Variants in PRIMA1 observed in about 807,000 individuals in gnomAD.
The protein encoded by PRIMA1 is proline rich membrane anchor 1.
Under a neutral mutation model 17.5 loss-of-function variants are expected in PRIMA1, and 7 were observed. That is an observed-to-expected ratio of 0.40 (90% CI 0.23 to 0.75). The LOEUF is 0.75. PRIMA1 is among the 30% of genes least tolerant of loss of function. The pLI, the probability that PRIMA1 is intolerant of heterozygous loss-of-function variation, is 0.37. For synonymous variants in PRIMA1, 97 were observed against 77.9 expected (o/e 1.25, Z -1.29); for missense variants, 200 against 201.8 (o/e 0.99, Z 0.05).
intron 3 of PRIMA1, among the ~76,000 whole-genome samples, chr14:93,770,731 C>A (rs1950971): frequency 0.6 from 91,296 of 152,084 alleles, 29,748 homozygotes; most frequent in Middle Eastern, 0.76. Context: ...CTCCCGCGCA[C>A]ACACAGAGCA....
chr14:93,739,583 A>T (rs2076172099), intron 3 of PRIMA1, among the ~76,000 whole-genome samples: 2 of 152,202 alleles, frequency 1.3e-5, no homozygotes, highest in East Asian at 3.8e-4. Context: ...ACCTTTGTAC[A>T]TTCTGTGCAG....
chr14:93,725,296 G>GGCTCTCCT lies in PRIMA1; in HGVS notation c.360-3758_360-3751dup, dbSNP rs1161539137. Reference sequence around the variant, plus strand: ...GTGATGGGGGAGGGTGGCAGCCGAGGGCTCTCCTGAGAAATGGTCATGATC... The same window carrying GGCTCTCCT: ...GTGATGGGGGAGGGTGGCAGCCGAGGGCTCTCCTGCTCTCCTGAGAAATGGTCATGATC... On this transcript the variant is annotated intron_variant, in intron 4 of 4. Transcript: ENST00000393140. Among the ~76,000 whole-genome samples the GGCTCTCCT allele has an allele frequency of 6.0e-5, 9 of 150,858 alleles. No individual in the cohort carries two copies. The East Asian group carries it at 1.5e-3, about 26-fold the overall frequency.
At chr14:93,723,737 A>C (rs1009292066) in intron 4 of PRIMA1, among the ~76,000 whole-genome samples, 9 of 152,182 alleles carry the variant, frequency 5.9e-5, no homozygotes, top group Admixed American at 3.9e-4. Context: ...TCACCTTAAG[A>C]AGCTAGGCCT....
chr14:93,766,675 C>T (rs531173804), intron 3 of PRIMA1, among the ~76,000 whole-genome samples: 1 of 152,330 alleles, frequency 6.6e-6, no homozygotes, highest in East Asian at 1.9e-4. Flanking sequence ...AAACAAATTG[C>T]AGACGCTCCT....
intron 3 of PRIMA1, among the ~76,000 whole-genome samples, chr14:93,758,483 C>T (rs1457362400): frequency 6.6e-6 from 1 of 150,782 alleles, no homozygotes; most frequent in African/African-American, 2.4e-5. Flanking sequence ...CCTGTAATCC[C>T]AGCTACTTGG....
chr14:93,754,271 A>G (rs922595682), intron 3 of PRIMA1, among the ~76,000 whole-genome samples: 51 of 152,272 alleles, frequency 3.3e-4, no homozygotes, highest in African/African-American at 1.2e-3. Flanking sequence ...AGCTCTTCAC[A>G]ATCCCAATTG....
At chr14:93,729,427 G>T (rs1364149253) in intron 4 of PRIMA1, among the ~76,000 whole-genome samples, 6 of 152,152 alleles carry the variant, frequency 3.9e-5, no homozygotes, top group Admixed American at 1.3e-4. Context: ...ACCCTACCTG[G>T]CCAAGAGGCT....
At chr14:93,758,729 A>G (rs1039901902) in intron 3 of PRIMA1, among the ~76,000 whole-genome samples, 2 of 152,200 alleles carry the variant, frequency 1.3e-5, no homozygotes, top group African/African-American at 4.8e-5. Flanking sequence ...AGTAGCCACC[A>G]ATGTGGAGTC....
chr14:93,761,626 C>T (rs1884729568), intron 3 of PRIMA1, among the ~76,000 whole-genome samples: 1 of 152,136 alleles, frequency 6.6e-6, no homozygotes, highest in South Asian at 2.1e-4. Context: ...AAAGAGAGAC[C>T]TTCCTGGGCA....
rs1462482894 is a variant in PRIMA1, at chr14:93,788,478, C to T, written c.-100G>A. 1 of 152,396 alleles carries T rather than the reference C, an allele frequency of 6.6e-6. No homozygotes were observed. The highest frequency in any genetic ancestry group is 2.4e-5 in the African/African-American group (1 of 41,476). 9.4% of individuals were successfully genotyped at this position (152,396 alleles called of 1,614,324 possible). A position where few individuals can be genotyped will look rare whatever the true frequency, so the allele number is the denominator to read the frequency against. ...GAGGTCCGCGTTCCCCCCGCGGCAG[C>T]TCTGTTTCCCAGCAGCCGGACAGCC... On this transcript the variant is annotated 5_prime_UTR_variant, in exon 1 of 5. Transcript: ENST00000393140.
intron 3 of PRIMA1, among the ~76,000 whole-genome samples, chr14:93,777,806 G>A (rs1285869485): frequency 1.3e-5 from 2 of 152,224 alleles, no homozygotes; most frequent in African/African-American, 4.8e-5. Context: ...ATTCCAGAGG[G>A]CCAGGACGGT....
In PRIMA1 at chr14:93,746,481, T is replaced by C. The variant is rs150917212; in HGVS notation, c.230-9111A>G. On this transcript the variant is annotated intron_variant, in intron 3 of 4. Transcript: ENST00000393140. ...GCAGGCCCGGAGGTGAGTGTGGGCC[T>C]GGCAGTTCTGGGGAGCAGGAAGGAG... Among the ~76,000 whole-genome samples the C allele has an allele frequency of 4.1e-3, 630 of 152,034 alleles. 5 individuals carry two copies. Among genetic ancestry groups the C allele is most frequent in the African/African-American group, 0.015 (608 of 41,464 alleles).
At chr14:93,752,592 C>T (rs2076266843) in intron 3 of PRIMA1, among the ~76,000 whole-genome samples, 1 of 152,108 alleles carries the variant, frequency 6.6e-6, no homozygotes, top group South Asian at 2.1e-4. Flanking sequence ...TGAAACAGGG[C>T]CAGGCCCCAG....
At chr14:93,740,350 T>C (rs184473225) in intron 3 of PRIMA1, among the ~76,000 whole-genome samples, 4 of 152,282 alleles carry the variant, frequency 2.6e-5, no homozygotes, top group Admixed American at 2.0e-4. Context: ...CCTTGGGGTA[T>C]CCCTGACTTG....
chr14:93,752,763 G>A (rs947555445), intron 3 of PRIMA1, among the ~76,000 whole-genome samples: 2 of 151,992 alleles, frequency 1.3e-5, no homozygotes, highest in African/African-American at 4.8e-5. Context: ...AAGATCCGGG[G>A]CACGCAACCT....
intron 3 of PRIMA1, among the ~76,000 whole-genome samples, chr14:93,748,172 C>T (rs551935649): frequency 3.9e-5 from 6 of 152,042 alleles, no homozygotes; most frequent in African/African-American, 1.2e-4. Flanking sequence ...GTGGCCCAGG[C>T]GAGGGGGAAG....
chr14:93,748,153 C>T (rs1311593983), intron 3 of PRIMA1, among the ~76,000 whole-genome samples: 2 of 152,064 alleles, frequency 1.3e-5, no homozygotes, highest in Non-Finnish European at 2.9e-5. Flanking sequence ...TGTGTGAGTG[C>T]TGATGGCTGT....
At chr14:93,730,511 A>C (rs757452334) in intron 4 of PRIMA1, among the ~76,000 whole-genome samples, 3 of 151,936 alleles carry the variant, frequency 2.0e-5, no homozygotes, top group Non-Finnish European at 4.4e-5. Flanking sequence ...AGGGCAGGAA[A>C]CCTCTGGAAC....
At chr14:93,722,689 GTAA>G (rs759709785) in intron 4 of PRIMA1, among the ~76,000 whole-genome samples, 6 of 16,898 alleles carry the variant, frequency 3.6e-4, no homozygotes, top group East Asian at 1.6e-3. Context: ...GGTGATGATG[GTAA>G]TGATGATGAT....
Sources: gnomAD v4.1 joint callset for allele counts (sites outside exome capture counted in the v4.1 genomes callset) on GRCh38, gnomAD v4.1.1 for gene constraint, MANE v1.5 for transcripts, NCBI Gene and HGNC (gene_info 2026-07-23, HGNC 2026-07-21) for gene names.